The following WNK2 variants were observed in gnomAD, a reference collection of about 807,000 sequenced individuals.
WNK2 encodes the protein WNK lysine deficient protein kinase 2.
WNK2 carries 67 observed loss-of-function variants against 192.1 expected under a neutral mutation model. The ratio of observed to expected loss-of-function variants is 0.35; its 90% confidence interval spans 0.29 to 0.43. The LOEUF is 0.43. Among genes scored for constraint, WNK2 ranks in the 20% least tolerant of loss-of-function variants. The pLI, the probability that WNK2 is intolerant of heterozygous loss-of-function variation, is 1.00. For missense variants in WNK2, 2,698 were observed against 3,089.7 expected, an observed-to-expected ratio of 0.87 and a Z score of 3.01; for synonymous variants, 1,439 against 1,393.9, an observed-to-expected ratio of 1.03 and a Z score of -0.72.
In WNK2 at chr9:93,257,480, C is replaced by T. The variant is rs963479287; in HGVS notation, c.2382+341C>T. Among the ~76,000 whole-genome samples the T allele has an allele frequency of 2.0e-5, 3 of 152,148 alleles. No individual in the cohort carries two copies. Among genetic ancestry groups the T allele is most frequent in the Non-Finnish European group, 2.9e-5 (2 of 68,000 alleles). ...CCTCCCTGGGGTCCTTCAGGGAGGGCGGGCAGCCCAGTACCCCATCACCTG... is the reference window on the plus strand; with the variant it reads ...CCTCCCTGGGGTCCTTCAGGGAGGGTGGGCAGCCCAGTACCCCATCACCTG... On this transcript the variant is annotated intron_variant, in intron 11 of 29. Coordinates refer to ENST00000427277, the MANE Select transcript of WNK2 (RefSeq NM_006648.4). This position sits in a 1 kb window ranked among gnomAD's most constrained non-coding sequence, Gnocchi z 4.7.
chr9:93,244,761 G>T (rs1055938361), intron 7 of WNK2, among the ~76,000 whole-genome samples: 2 of 152,226 alleles, frequency 1.3e-5, no homozygotes, highest in Non-Finnish European at 2.9e-5. Flanking sequence ...CTGCGCCCAG[G>T]TGCCAGTGAC....
chr9:93,211,869 CACTCATTCACACACTCACACATTT>C (rs1834834523), intron 2 of WNK2, among the ~76,000 whole-genome samples: 1 of 150,848 alleles, frequency 6.6e-6, no homozygotes, highest in African/African-American at 2.5e-5. Flanking sequence ...CTCATACATT[CACTCATTCACACACTCACACATTT>C]ACTCATTCAC....
intron 2 of WNK2, among the ~76,000 whole-genome samples, chr9:93,218,907 G>A (rs1376898684): frequency 6.6e-6 from 1 of 152,244 alleles, no homozygotes; most frequent in Non-Finnish European, 1.5e-5. Flanking sequence ...ACGGGCGTGG[G>A]GAGCCTGGAT....
intron 25 of WNK2, 75 bp from the exon 26 acceptor site, chr9:93,299,976 G>A: frequency 8.2e-7 from 1 of 1,221,548 alleles, no homozygotes; most frequent in African/African-American, 1.5e-5. Context: ...GTGGCTGTTG[G>A]TGTGGAGGAG....
At chr9:93,214,704 C>G (rs74550889) in intron 2 of WNK2, among the ~76,000 whole-genome samples, 4 of 93,880 alleles carry the variant, frequency 4.3e-5, no homozygotes, top group East Asian at 3.9e-4. Context: ...AGTGCCCCCC[C>G]CCCCCCCGCC....
chr9:93,235,111 A>G (rs1839571698), intron 5 of WNK2, 146 bp downstream of exon 5: 12 of 1,008,990 alleles, frequency 1.2e-5, no homozygotes, highest in Non-Finnish European at 1.7e-5. Flanking sequence ...AACTGAGGAG[A>G]TTGGCCATTT....
intron 23 of WNK2, among the ~76,000 whole-genome samples, chr9:93,293,769 A>T (rs1217775805): frequency 6.6e-6 from 1 of 151,706 alleles, no homozygotes; most frequent in Non-Finnish European, 1.5e-5. Flanking sequence ...TCACTGAGGC[A>T]TGTGTCTTCC....
chr9:93,282,248 A>G (rs1847849661), intron 19 of WNK2, among the ~76,000 whole-genome samples: 1 of 152,132 alleles, frequency 6.6e-6, no homozygotes, highest in Non-Finnish European at 1.5e-5. Context: ...TAGTCTCTAG[A>G]ATAACCCCTG....
intron 2 of WNK2, among the ~76,000 whole-genome samples, chr9:93,189,568 G>C (rs1829950074): frequency 6.6e-6 from 1 of 152,242 alleles, no homozygotes; most frequent in East Asian, 1.9e-4. Context: ...TCCTGGGTCT[G>C]GGAGTGGATG....
At chr9:93,317,751 G>T in intron 29 of WNK2, 120 bp downstream of exon 29, 1 of 1,470,138 alleles carries the variant, frequency 6.8e-7, no homozygotes, top group South Asian at 1.3e-5. Flanking sequence ...CCAGCTGGGG[G>T]CACAGGGCAG....
At chr9:93,238,766 A>G (rs995528130) in intron 6 of WNK2, among the ~76,000 whole-genome samples, 2 of 152,244 alleles carry the variant, frequency 1.3e-5, no homozygotes, top group African/African-American at 4.8e-5. Context: ...CGTGTATTTC[A>G]TGGACTGGGT....
intron 19 of WNK2, among the ~76,000 whole-genome samples, chr9:93,273,015 G>C (rs956014343): frequency 5.9e-5 from 9 of 152,076 alleles, no homozygotes; most frequent in African/African-American, 1.9e-4. Flanking sequence ...TGAACTGAAA[G>C]GTCAAAAGAA....
intron 7 of WNK2, among the ~76,000 whole-genome samples, chr9:93,241,154 G>A (rs1443830563): frequency 6.6e-6 from 1 of 152,260 alleles, no homozygotes; most frequent in Non-Finnish European, 1.5e-5. Flanking sequence ...AGGGCCTAGA[G>A]ACAGACAGAG....
At chr9:93,216,634 A>G (rs1204829961) in intron 2 of WNK2, among the ~76,000 whole-genome samples, 1 of 152,064 alleles carries the variant, frequency 6.6e-6, no homozygotes, top group African/African-American at 2.4e-5. Context: ...TCAAAAAACA[A>G]GAAACAAAAA....
chr9:93,191,453 G>A (rs544659851), intron 2 of WNK2, among the ~76,000 whole-genome samples: 1 of 152,234 alleles, frequency 6.6e-6, no homozygotes, highest in South Asian at 2.1e-4. Context: ...GACAGAGCCT[G>A]TGAGACCTGG....
At position 93,320,237 on chromosome 9, in the gene WNK2, G is replaced by C. The variant is rs548547346; in HGVS notation, c.6629-130G>C. ...GCTGAGGACAAGACCATCTACACAG[G>C]GCGTGGGTCATGGCAGAGCTGGCGC... is the stretch of plus-strand genomic sequence containing the variant. On this transcript the variant is annotated intron_variant, in intron 29 of 29. Transcript: ENST00000427277. 6.0e-6 allele frequency: 6 copies of C among 998,902 alleles called. No homozygotes were observed. The South Asian group carries it at 8.2e-5, about 14-fold the overall frequency. The allele number at this position is 998,902 out of a possible 1,614,324, so 61.9% of individuals were successfully genotyped here. A position where few individuals can be genotyped will look rare whatever the true frequency, so the allele number is the denominator to read the frequency against.
chr9:93,278,621 C>T (rs569953879), intron 19 of WNK2, among the ~76,000 whole-genome samples: 31 of 152,314 alleles, frequency 2.0e-4, no homozygotes, highest in African/African-American at 7.0e-4. Context: ...TCCCACAACA[C>T]ACTTCAAGAA....
chr9:93,244,782 GC>G (rs1456960236), intron 7 of WNK2, among the ~76,000 whole-genome samples: 5 of 152,240 alleles, frequency 3.3e-5, no homozygotes, highest in Admixed American at 6.5e-5. Context: ...AGGGACACCT[GC>G]CTCGGCCTCC....
Position 93,185,282 on chromosome 9 carries a change from C to G in WNK2, c.353C>G (p.Pro118Arg). 1.5e-6 allele frequency: 2 copies of G among 1,367,612 alleles called. No homozygotes were observed. The highest frequency in any genetic ancestry group is 1.9e-6 in the Non-Finnish European group (2 of 1,067,394). The allele number at this position is 1,367,612 out of a possible 1,614,324, so 84.7% of individuals were successfully genotyped here. A position where few individuals can be genotyped will look rare whatever the true frequency, so the allele number is the denominator to read the frequency against. The change falls in exon 2 of 30, where the codon CCC becomes CGC. Residue 118 changes from proline (P) to arginine (R), a missense_variant. Pro to Arg is a moderately radical substitution (Grantham distance 103). This residue lies in a region of WNK2 where 260 missense variants were observed against 285.6 expected (regional missense o/e 0.91). Transcript: ENST00000427277. ...PGAPADAGPE[P>R]VGTQEPGPDP... ...GCCCCCGCGGACGCCGGCCCCGAGC[C>G]CGTGGGCACGCAGGAGCCCGGCCCG...
Sources: allele counts gnomAD v4.1 joint callset (sites outside exome capture counted in the v4.1 genomes callset), GRCh38; gene constraint gnomAD v4.1.1; regional missense constraint gnomAD v4.1.1; non-coding constraint Gnocchi (gnomAD v3.1); transcripts MANE v1.5; gene names NCBI Gene and HGNC (gene_info 2026-07-23, HGNC 2026-07-21).